The following AFG2A variants were observed in gnomAD, a reference collection of about 807,000 sequenced individuals.
AFG2A encodes the protein ATPase family gene 2 protein homolog A.
the AFG2A span, among the ~76,000 whole-genome samples, chr4:123,072,497 G>A: frequency 6.6e-6 from 1 of 152,100 alleles, no homozygotes; most frequent in Non-Finnish European, 1.5e-5. Context: ...GTTTAATTTT[G>A]TTTATGGGAA....
the AFG2A span, among the ~76,000 whole-genome samples, chr4:122,953,127 G>C: frequency 1.1e-4 from 16 of 152,278 alleles, no homozygotes; most frequent in Non-Finnish European, 2.2e-4. Context: ...ACTACTTGCT[G>C]TGTGGGGTTG....
chr4:122,962,432 A>G, the AFG2A span, among the ~76,000 whole-genome samples: 1 of 152,228 alleles, frequency 6.6e-6, no homozygotes, highest in Non-Finnish European at 1.5e-5. Flanking sequence ...CTGTGTAAAT[A>G]TTATGGATAT....
At chr4:123,031,692 C>T in the AFG2A span, among the ~76,000 whole-genome samples, 10 of 152,214 alleles carry the variant, frequency 6.6e-5, no homozygotes, top group Non-Finnish European at 1.3e-4. Context: ...AGGAAAAACT[C>T]CCTATCACTT....
chr4:123,252,239 A>T, the AFG2A span, among the ~76,000 whole-genome samples: 49 of 152,302 alleles, frequency 3.2e-4, no homozygotes, highest in African/African-American at 1.1e-3. Context: ...CGAGTATTTT[A>T]TAAAGCACTG....
the AFG2A span, among the ~76,000 whole-genome samples, chr4:123,177,685 G>A: frequency 1.3e-5 from 2 of 152,166 alleles, no homozygotes; most frequent in Non-Finnish European, 1.5e-5. Context: ...TAGGAAAGAA[G>A]AAAACTTAAC....
At chr4:123,140,279 C>T in the AFG2A span, among the ~76,000 whole-genome samples, 1 of 152,002 alleles carries the variant, frequency 6.6e-6, no homozygotes, top group Non-Finnish European at 1.5e-5. Context: ...ATTGAATCTG[C>T]TTTCAGTTTC....
the AFG2A span, among the ~76,000 whole-genome samples, chr4:123,283,578 A>G: frequency 6.6e-6 from 1 of 152,218 alleles, no homozygotes; most frequent in Non-Finnish European, 1.5e-5. Flanking sequence ...ATCAGGGATC[A>G]TTAAACTACA....
the AFG2A span, chr4:122,938,126 A>AGT: frequency 6.3e-7 from 1 of 1,593,246 alleles, no homozygotes; most frequent in Admixed American, 1.8e-5. Flanking sequence ...TTGTTTTTAG[A>AGT]CACCCATCAA....
At chr4:122,998,309 T>C in the AFG2A span, among the ~76,000 whole-genome samples, 24 of 152,132 alleles carry the variant, frequency 1.6e-4, no homozygotes, top group Admixed American at 5.2e-4. Context: ...ATTCATTTTT[T>C]TAAATTTTAT....
chr4:123,238,844 C>A, the AFG2A span, among the ~76,000 whole-genome samples: 146 of 152,300 alleles, frequency 9.6e-4, no homozygotes, highest in Middle Eastern at 3.4e-3. Context: ...CTTTGACGAG[C>A]TGACAGAAGT....
At chr4:123,079,745 C>CTTTTTTTTTT in the AFG2A span, among the ~76,000 whole-genome samples, 16 of 72,668 alleles carry the variant, frequency 2.2e-4, no homozygotes, top group Non-Finnish European at 2.4e-4. Context: ...TCTTTTCCTT[C>CTTTTTTTTTT]TTTTTTTTTT....
the AFG2A span, among the ~76,000 whole-genome samples, chr4:123,130,217 A>G: frequency 4.6e-5 from 7 of 152,094 alleles, no homozygotes; most frequent in African/African-American, 1.4e-4. Flanking sequence ...AGGTCTCTCT[A>G]TGTTGCTGAG....
the AFG2A span, among the ~76,000 whole-genome samples, chr4:123,264,492 T>C: frequency 3.3e-5 from 5 of 152,198 alleles, no homozygotes; most frequent in Admixed American, 1.3e-4. Flanking sequence ...ATTATGTAAC[T>C]TTGAATATAA....
the AFG2A span, among the ~76,000 whole-genome samples, chr4:123,172,459 A>G: frequency 6.6e-6 from 1 of 152,188 alleles, no homozygotes; most frequent in African/African-American, 2.4e-5. Flanking sequence ...TGTATCCCTA[A>G]TAACGTTTTA....
chr4:122,971,399 C>G, the AFG2A span, among the ~76,000 whole-genome samples: 1 of 151,944 alleles, frequency 6.6e-6, no homozygotes, highest in Admixed American at 6.6e-5. Flanking sequence ...AGAGTGAGAC[C>G]CTGTCTCAAA....
chr4:123,229,889 C>T, the AFG2A span, among the ~76,000 whole-genome samples: 1 of 151,602 alleles, frequency 6.6e-6, no homozygotes, highest in East Asian at 1.9e-4. Flanking sequence ...ATCGTATGTT[C>T]GGTTCCAGAT....
At chr4:123,291,126 G>A in the AFG2A span, among the ~76,000 whole-genome samples, 2 of 152,086 alleles carry the variant, frequency 1.3e-5, no homozygotes. Flanking sequence ...ATATAAGAAA[G>A]GCTATTACTG....
the AFG2A span, among the ~76,000 whole-genome samples, chr4:123,273,329 C>T: frequency 6.6e-6 from 1 of 152,012 alleles, no homozygotes; most frequent in Non-Finnish European, 1.5e-5. Flanking sequence ...TCAGTGTAAA[C>T]ATACTGAGTT....
At chr4:123,103,327 T>A in the AFG2A span, among the ~76,000 whole-genome samples, 1 of 152,230 alleles carries the variant, frequency 6.6e-6, no homozygotes, top group East Asian at 1.9e-4. Context: ...AAAAGGAAAG[T>A]TGAACAGTGG....
Sources: allele counts gnomAD v4.1 joint callset (sites outside exome capture counted in the v4.1 genomes callset), GRCh38; gene constraint gnomAD v4.1.1; transcripts MANE v1.5; gene names NCBI Gene and HGNC (gene_info 2026-07-23, HGNC 2026-07-21).